The following ROBO2 variants were observed in gnomAD, a reference collection of about 807,000 sequenced individuals.
The protein encoded by ROBO2 is roundabout homolog 2.
A neutral mutation model predicts 160.8 loss-of-function variants in ROBO2; 53 were observed. The ratio of observed to expected loss-of-function variants is 0.33; its 90% CI spans 0.26 to 0.41. ROBO2 has a LOEUF of 0.41. ROBO2 is among the 10% of genes least tolerant of loss of function. The pLI is 1.00. For missense variants in ROBO2, 1,577 were observed against 1,722.4 expected (o/e 0.92, Z 1.49); for synonymous variants, 664 against 611.7 (o/e 1.09, Z -1.26).
chr3:77,380,865 T>C (rs1309188238), intron 2 of ROBO2, among the ~76,000 whole-genome samples: 1 of 152,148 alleles, frequency 6.6e-6, no homozygotes, highest in African/African-American at 2.4e-5. Context: ...GATCTTTTGA[T>C]GCACTTCCTG....
intron 2 of ROBO2, among the ~76,000 whole-genome samples, chr3:76,707,731 G>GTGTATATATATA (rs376823667): frequency 2.0e-4 from 27 of 134,192 alleles, no homozygotes; most frequent in Middle Eastern, 4.0e-3. Context: ...ACATGTGTGT[G>GTGTATATATATA]TATATATATA....
At chr3:76,506,822 G>A (rs1302400405) in intron 2 of ROBO2, among the ~76,000 whole-genome samples, 1 of 152,156 alleles carries the variant, frequency 6.6e-6, no homozygotes, top group Non-Finnish European at 1.5e-5. Flanking sequence ...ATGAGTGAGT[G>A]AAGGTAAGAC....
intron 2 of ROBO2, among the ~76,000 whole-genome samples, chr3:75,951,804 A>G (rs1228379862): frequency 6.6e-6 from 1 of 152,084 alleles, no homozygotes; most frequent in East Asian, 1.9e-4. Flanking sequence ...ACATTCATGC[A>G]ATAAAAATGT....
intron 2 of ROBO2, among the ~76,000 whole-genome samples, chr3:76,973,901 T>C (rs1052546254): frequency 7.2e-5 from 11 of 152,134 alleles, no homozygotes; most frequent in African/African-American, 2.4e-4. Context: ...TCTGAGTAGA[T>C]GGGGACACAG....
chr3:76,881,319 G>A (rs2148746779), intron 2 of ROBO2, among the ~76,000 whole-genome samples: 1 of 152,274 alleles, frequency 6.6e-6, no homozygotes, highest in East Asian at 1.9e-4. Flanking sequence ...GTATTTCTAT[G>A]TCTTAGAGTC....
intron 2 of ROBO2, among the ~76,000 whole-genome samples, chr3:76,983,665 A>T (rs971035844): frequency 2.6e-5 from 4 of 152,222 alleles, no homozygotes; most frequent in African/African-American, 9.6e-5. Flanking sequence ...AGATTGAAAA[A>T]AACTTACAAA....
chr3:76,589,492 C>T (rs545301626), intron 2 of ROBO2, among the ~76,000 whole-genome samples: 1 of 152,026 alleles, frequency 6.6e-6, no homozygotes, highest in South Asian at 2.1e-4. Context: ...TTAGTAGAGA[C>T]GGGGTTTCAC....
chr3:77,597,321 A>C (rs116416750), intron 19 of ROBO2, among the ~76,000 whole-genome samples: 3 of 105,238 alleles, frequency 2.9e-5, no homozygotes, highest in African/African-American at 6.6e-5. Context: ...ATAAATAAAT[A>C]AATAAAAAAG....
intron 2 of ROBO2, among the ~76,000 whole-genome samples, chr3:76,999,284 TAGA>T (rs762831962): frequency 3.9e-5 from 6 of 152,076 alleles, no homozygotes; most frequent in Non-Finnish European, 8.8e-5. Context: ...CTGGGTGGTT[TAGA>T]ATCTGACCAT....
chr3:77,617,743 C>A, exon 22 of ROBO2: 3 of 1,613,716 alleles, frequency 1.9e-6, no homozygotes, highest in Non-Finnish European at 2.5e-6. Flanking sequence ...TTGACAAGAG[C>A]CTATCAGTTT....
chr3:75,984,459 G>A (rs1053921947), intron 2 of ROBO2, among the ~76,000 whole-genome samples: 6 of 151,412 alleles, frequency 4.0e-5, no homozygotes, highest in African/African-American at 1.4e-4. Flanking sequence ...CCAATAATTA[G>A]CATTTGATAA....
chr3:77,027,415 C>T (rs1422114807), intron 2 of ROBO2, among the ~76,000 whole-genome samples: 4 of 152,170 alleles, frequency 2.6e-5, no homozygotes, highest in African/African-American at 9.7e-5. Flanking sequence ...GAGGCTGATA[C>T]TTCCAAAGTT....
chr3:77,200,447 G>A (rs1327568652), intron 2 of ROBO2, among the ~76,000 whole-genome samples: 1 of 150,692 alleles, frequency 6.6e-6, no homozygotes. Context: ...CACAATAAAT[G>A]CAACTTTTAA....
chr3:77,191,179 TA>T (rs1418786473), intron 2 of ROBO2, among the ~76,000 whole-genome samples: 4 of 152,146 alleles, frequency 2.6e-5, no homozygotes, highest in Non-Finnish European at 5.9e-5. Flanking sequence ...TAGCTACATG[TA>T]TTAATGACTT....
intron 2 of ROBO2, among the ~76,000 whole-genome samples, chr3:77,424,965 C>T (rs139453432): frequency 3.6e-4 from 54 of 151,984 alleles, no homozygotes; most frequent in Admixed American, 5.9e-4. Context: ...TATCCCTTCC[C>T]GATTAATGTG....
intron 1 of ROBO2, among the ~76,000 whole-genome samples, chr3:77,075,538 A>C (rs1011424786): frequency 1.3e-5 from 2 of 152,110 alleles, no homozygotes; most frequent in Non-Finnish European, 2.9e-5. Context: ...CCTTTACTCA[A>C]TAAACTCCAG....
At chr3:77,144,342 T>A (rs1205138240) in intron 2 of ROBO2, among the ~76,000 whole-genome samples, 6 of 152,188 alleles carry the variant, frequency 3.9e-5, no homozygotes, top group Non-Finnish European at 7.3e-5. Flanking sequence ...TATTTAACTC[T>A]TGGCAGACAG....
At chr3:76,273,125 AT>A (rs1707692950) in intron 2 of ROBO2, among the ~76,000 whole-genome samples, 1 of 44,504 alleles carries the variant, frequency 2.2e-5, no homozygotes, top group African/African-American at 6.5e-5. Flanking sequence ...ATATAAATAT[AT>A]ATATATATAT....
intron 2 of ROBO2, among the ~76,000 whole-genome samples, chr3:77,287,292 TA>T (rs1228069266): frequency 1.6e-4 from 23 of 144,578 alleles, no homozygotes; most frequent in Admixed American, 7.0e-5. Flanking sequence ...ACATGCTTTT[TA>T]AATTGATAGT....
Sources: gnomAD v4.1 joint callset for allele counts (sites outside exome capture counted in the v4.1 genomes callset) on GRCh38, gnomAD v4.1.1 for gene constraint, MANE v1.5 for transcripts, NCBI Gene and HGNC (gene_info 2026-07-23, HGNC 2026-07-21) for gene names.